Variants in FAT3 observed in about 807,000 individuals in gnomAD.
The protein encoded by FAT3 is protocadherin Fat 3.
A neutral mutation model predicts 310.2 loss-of-function variants in FAT3; 95 were observed. The observed-to-expected ratio is 0.31, with a 90% CI of 0.26 to 0.36. FAT3 has a LOEUF of 0.36. FAT3 is among the 10% of genes least tolerant of loss of function. The pLI, the probability that FAT3 is intolerant of heterozygous loss-of-function variation, is 1.00. For missense variants in FAT3, 5,408 were observed against 5,715.6 expected (o/e 0.95, Z 1.74); for synonymous variants, 2,314 against 2,192.9 (o/e 1.06, Z -1.54).
At chr11:92,462,218 A>T (rs765918939) in intron 2 of FAT3, among the ~76,000 whole-genome samples, 6 of 151,892 alleles carry the variant, frequency 4.0e-5, no homozygotes, top group Non-Finnish European at 7.4e-5. Flanking sequence ...AGTTTGTCTT[A>T]TGAATAAATT....
At chr11:92,412,397 G>T in intron 2 of FAT3, among the ~76,000 whole-genome samples, 1 of 64,030 alleles carries the variant, frequency 1.6e-5, no homozygotes, top group Non-Finnish European at 4.1e-5. Context: ...CACCAGACCC[G>T]GCCTATTTTT....
At chr11:92,480,209 G>A (rs865797802) in intron 2 of FAT3, among the ~76,000 whole-genome samples, 19 of 152,204 alleles carry the variant, frequency 1.2e-4, no homozygotes, top group Admixed American at 9.2e-4. Context: ...AGCTTACCGC[G>A]AGCCGAGATG....
At chr11:92,812,022 A>G (rs942642204) in intron 13 of FAT3, among the ~76,000 whole-genome samples, 1 of 152,220 alleles carries the variant, frequency 6.6e-6, no homozygotes, top group Non-Finnish European at 1.5e-5. Flanking sequence ...AGTAGACAGG[A>G]GATTCCAGTT....
intron 3 of FAT3, among the ~76,000 whole-genome samples, chr11:92,527,909 T>A (rs1292155127): frequency 6.6e-6 from 1 of 152,196 alleles, no homozygotes; most frequent in Admixed American, 6.5e-5. Context: ...TGCTTTAGAT[T>A]TTTTTCTCAA....
intron 2 of FAT3, among the ~76,000 whole-genome samples, chr11:92,384,038 A>G (rs948274803): frequency 6.6e-6 from 1 of 152,132 alleles, no homozygotes; most frequent in African/African-American, 2.4e-5. Flanking sequence ...CAGCAAAGAA[A>G]TCCATGTGGA....
intron 2 of FAT3, among the ~76,000 whole-genome samples, chr11:92,440,563 A>G (rs893407190): frequency 6.6e-5 from 10 of 152,134 alleles, no homozygotes; most frequent in Admixed American, 5.2e-4. Flanking sequence ...CCTTCAGCCT[A>G]TAGAGAAGAA....
intron 4 of FAT3, among the ~76,000 whole-genome samples, chr11:92,729,573 C>T (rs1189853608): frequency 2.0e-5 from 3 of 151,736 alleles, no homozygotes; most frequent in Admixed American, 6.6e-5. Context: ...ATTACAGGAG[C>T]GTGCCCCCGT....
At chr11:92,765,779 A>AT (rs1482069648) in intron 6 of FAT3, among the ~76,000 whole-genome samples, 1 of 59,636 alleles carries the variant, frequency 1.7e-5, no homozygotes. Flanking sequence ...TAGGGTTTGG[A>AT]TTTTTTTTGA....
chr11:92,675,249 A>G (rs976873697), intron 3 of FAT3, among the ~76,000 whole-genome samples: 37 of 152,338 alleles, frequency 2.4e-4, no homozygotes, highest in Non-Finnish European at 3.7e-4. Context: ...AGAGCATCTC[A>G]TCTGTGCAAT....
At chr11:92,572,914 A>G (rs556905570) in intron 3 of FAT3, among the ~76,000 whole-genome samples, 32 of 152,210 alleles carry the variant, frequency 2.1e-4, no homozygotes, top group Non-Finnish European at 4.4e-4. Context: ...ATTCAAGTGA[A>G]AAAGAAAAGG....
intron 3 of FAT3, among the ~76,000 whole-genome samples, chr11:92,615,290 A>T (rs1257416026): frequency 2.0e-5 from 3 of 152,158 alleles, no homozygotes; most frequent in African/African-American, 7.2e-5. Flanking sequence ...CTTGTTGCCC[A>T]GGCTGGAGTG....
intron 1 of FAT3, among the ~76,000 whole-genome samples, chr11:92,227,918 T>A (rs916672946): frequency 2.6e-5 from 3 of 113,326 alleles, no homozygotes; most frequent in Non-Finnish European, 4.3e-5. Flanking sequence ...GGGGAAGTTT[T>A]TTTTATTTTT....
chr11:92,400,812 CAA>C (rs1400549620), intron 2 of FAT3: 4 of 152,040 alleles, frequency 2.6e-5, no homozygotes, highest in East Asian at 3.9e-4. Flanking sequence ...CAATAATATT[CAA>C]AAGAGTATAT....
At chr11:92,840,791 GTCTT>G in intron 18 of FAT3, 32 bp downstream of exon 18, 1 of 1,488,304 alleles carries the variant, frequency 6.7e-7, no homozygotes, top group Non-Finnish European at 9.1e-7. Flanking sequence ...CCGTCGTGCT[GTCTT>G]TCTTTCTCAT....
chr11:92,643,383 C>T (rs1262909817), intron 3 of FAT3, among the ~76,000 whole-genome samples: 1 of 152,176 alleles, frequency 6.6e-6, no homozygotes, highest in Non-Finnish European at 1.5e-5. Flanking sequence ...CAGGAAAAAC[C>T]CTCATCAGCC....
intron 7 of FAT3, among the ~76,000 whole-genome samples, chr11:92,781,711 C>T (rs562364313): frequency 6.6e-6 from 1 of 152,306 alleles, no homozygotes; most frequent in Admixed American, 6.5e-5. Flanking sequence ...CACTTTGAGA[C>T]TCAGTTTCTT....
At chr11:92,482,160 G>A (rs887645702) in intron 2 of FAT3, among the ~76,000 whole-genome samples, 4 of 152,076 alleles carry the variant, frequency 2.6e-5, no homozygotes, top group African/African-American at 9.7e-5. Context: ...TAGTAAGAAT[G>A]CTCTATACCA....
At position 92,798,165 on chromosome 11, in the gene FAT3, C is replaced by A; in HGVS notation, c.5152C>A (p.Pro1718Thr). 1 of 1,613,904 alleles carries A rather than the reference C, an allele frequency of 6.2e-7. No homozygotes were observed. The highest frequency in any genetic ancestry group is 8.5e-7 in the Non-Finnish European group (1 of 1,179,848). The change falls in exon 10 of 28, where the codon CCA (proline) becomes ACA (threonine). Residue 1718 changes from proline to threonine, a missense_variant. Coordinates refer to ENST00000525166, the MANE Select transcript of FAT3 (RefSeq NM_001367949.2). ...CATTAATGGGATCTTTACCATAAATCCATATTCTGGAGTCATCACCACTCA... is the reference window on the plus strand; with the variant it reads ...CATTAATGGGATCTTTACCATAAATACATATTCTGGAGTCATCACCACTCA... ...GDINGIFTIN[P>T]YSGVITTQKA...
intron 3 of FAT3, among the ~76,000 whole-genome samples, chr11:92,611,626 T>G (rs923476932): frequency 6.6e-6 from 1 of 151,768 alleles, no homozygotes; most frequent in East Asian, 1.9e-4. Context: ...ACTCCTGGCC[T>G]CAAGAGATCC....
Sources: allele counts gnomAD v4.1 joint callset (sites outside exome capture counted in the v4.1 genomes callset), GRCh38; gene constraint gnomAD v4.1.1; transcripts MANE v1.5; gene names NCBI Gene and HGNC (gene_info 2026-07-23, HGNC 2026-07-21).